Variants in DIP2B observed in about 807,000 individuals in gnomAD.
The protein encoded by DIP2B is DIP2 acetate--CoA ligase B (putative).
A neutral mutation model predicts 198.0 loss-of-function variants in DIP2B; 76 were observed. The ratio of observed to expected loss-of-function variants is 0.38; its 90% CI spans 0.32 to 0.46. The LOEUF (loss-of-function observed/expected upper bound fraction) is 0.46, where lower values mean the gene tolerates loss of function less well. Ranked by LOEUF, DIP2B falls within the 20% of genes least tolerant of loss-of-function variation. The pLI is 0.99. For missense variants in DIP2B, 1,559 were observed against 1,978.4 expected (o/e 0.79, Z 4.02); for synonymous variants, 701 against 739.1 (o/e 0.95, Z 0.84).
intron 1 of DIP2B, among the ~76,000 whole-genome samples, chr12:50,515,530 A>G (rs1048500010): frequency 6.6e-6 from 1 of 152,228 alleles, no homozygotes; most frequent in South Asian, 2.1e-4. Context: ...GCCCAGCCCT[A>G]CACTGTGGAC....
chr12:50,700,041 A>G (rs557032507), intron 19 of DIP2B, among the ~76,000 whole-genome samples: 1 of 152,362 alleles, frequency 6.6e-6, no homozygotes, highest in Admixed American at 6.5e-5. Context: ...GTCCTTTCAC[A>G]GGAGTCAGGT....
Position 50,632,195 on chromosome 12 carries a change from A to T in DIP2B, c.172+6148A>T, listed in dbSNP as rs185086053. ...ACTTTATTAAACTTTATTAAAGTTT[A>T]GTAGAGTTGGACTGGGTTCAGTGGC... On this transcript the variant is annotated intron_variant, in intron 2 of 37. Coordinates refer to ENST00000301180, the MANE Select transcript of DIP2B (RefSeq NM_173602.3). Among the ~76,000 whole-genome samples, 331 of 152,232 alleles carry T rather than the reference A, an allele frequency of 2.2e-3. 3 individuals carry two copies. The highest frequency in any genetic ancestry group is 2.8e-3 in the Non-Finnish European group (189 of 68,020).
intron 23 of DIP2B, among the ~76,000 whole-genome samples, chr12:50,716,157 C>T (rs1939710639): frequency 2.6e-5 from 4 of 152,098 alleles, no homozygotes; most frequent in Admixed American, 1.3e-4. Flanking sequence ...TACATAAATA[C>T]ACTCTGAGTC....
intron 34 of DIP2B, 101 bp downstream of exon 34, chr12:50,735,231 C>A: frequency 7.6e-7 from 1 of 1,322,340 alleles, no homozygotes; most frequent in Non-Finnish European, 1.1e-6. Flanking sequence ...CCAGGGCAAG[C>A]CTTAATTGAA....
At chr12:50,552,674 A>G (rs1958436945) in intron 1 of DIP2B, among the ~76,000 whole-genome samples, 1 of 152,018 alleles carries the variant, frequency 6.6e-6, no homozygotes, top group Non-Finnish European at 1.5e-5. Flanking sequence ...AGTCCCATTT[A>G]TCTTATTTTG....
intron 1 of DIP2B, among the ~76,000 whole-genome samples, chr12:50,564,865 T>C (rs1225750694): frequency 6.6e-6 from 1 of 152,240 alleles, no homozygotes; most frequent in East Asian, 1.9e-4. Flanking sequence ...GCATTTTTAA[T>C]TATGTATTTC....
At position 50,588,047 on chromosome 12, in the gene DIP2B, A is replaced by G. The variant is rs189868426; in HGVS notation, c.101-37929A>G. ...AATGGGTGAAAGCAAAGCTAGACTT[A>G]AATGCTGTTACTTCTTTCCCTGAAC... On this transcript the variant is annotated intron_variant, in intron 1 of 37. Transcript: ENST00000301180. Among the ~76,000 whole-genome samples, 127 of 152,342 alleles carry G rather than the reference A, an allele frequency of 8.3e-4. 1 individual carries two copies. Among genetic ancestry groups the G allele is most frequent in the Non-Finnish European group, 1.6e-3 (110 of 68,034 alleles).
chr12:50,683,387 A>T, intron 10 of DIP2B, 139 bp downstream of exon 10: 1 of 629,978 alleles, frequency 1.6e-6, no homozygotes, highest in Non-Finnish European at 2.7e-6. Context: ...AAAACAGGAA[A>T]TTTGTAGAAA....
chr12:50,543,319 T>C (rs894037918), intron 1 of DIP2B, among the ~76,000 whole-genome samples: 4 of 151,376 alleles, frequency 2.6e-5, no homozygotes, highest in African/African-American at 9.7e-5. Flanking sequence ...TGAGACAGAG[T>C]CTCGCTGTCA....
chr12:50,611,480 G>A (rs576593769), intron 1 of DIP2B, among the ~76,000 whole-genome samples: 23 of 152,126 alleles, frequency 1.5e-4, no homozygotes, highest in Admixed American at 1.2e-3. Flanking sequence ...GGCGTGGGTT[G>A]TTTTTATTTA....
intron 1 of DIP2B, among the ~76,000 whole-genome samples, chr12:50,613,025 C>T (rs963602035): frequency 6.6e-6 from 1 of 152,218 alleles, no homozygotes; most frequent in Non-Finnish European, 1.5e-5. Flanking sequence ...CATGTGCCTC[C>T]CGTTACTGTA....
Position 50,573,976 on chromosome 12 carries a change from C to G in DIP2B, c.101-52000C>G, listed in dbSNP as rs139672449. The stretch of plus-strand genomic sequence containing the variant: ...ACTATGTTTGATGATATTAAGGGTT[C>G]TTAGAAATCTTTTCCAAAATCTTGC... On this transcript the variant is annotated intron_variant, in intron 1 of 37. Transcript: ENST00000301180. 3.2e-3 allele frequency among the ~76,000 whole-genome samples: 486 copies of G among 152,204 alleles called. 4 individuals are homozygous for G. Among genetic ancestry groups the G allele is most frequent in the African/African-American group, 0.011 (465 of 41,532 alleles).
At chr12:50,618,465 C>G (rs892661438) in intron 1 of DIP2B, among the ~76,000 whole-genome samples, 1 of 152,222 alleles carries the variant, frequency 6.6e-6, no homozygotes, top group Non-Finnish European at 1.5e-5. Context: ...ACTGTGCATT[C>G]ACCCTCAGTG....
intron 1 of DIP2B, among the ~76,000 whole-genome samples, chr12:50,517,018 G>A (rs998425696): frequency 2.7e-5 from 4 of 148,694 alleles, no homozygotes; most frequent in African/African-American, 4.9e-5. Flanking sequence ...CCGGGTTCAC[G>A]CCATTCTCCT....
At chr12:50,555,935 T>C (rs1376330320) in intron 1 of DIP2B, among the ~76,000 whole-genome samples, 1 of 152,190 alleles carries the variant, frequency 6.6e-6, no homozygotes, top group East Asian at 1.9e-4. Flanking sequence ...CAAGAAACTA[T>C]TCTGAACAGC....
At chr12:50,645,940 G>A (rs940218664) in intron 3 of DIP2B, among the ~76,000 whole-genome samples, 20 of 152,006 alleles carry the variant, frequency 1.3e-4, no homozygotes, top group African/African-American at 4.8e-4. Context: ...TATTGAGGCA[G>A]GAGTATTTTT....
intron 1 of DIP2B, among the ~76,000 whole-genome samples, chr12:50,508,099 T>C (rs10876041): frequency 0.59 from 88,978 of 151,966 alleles, 26,411 homozygotes; most frequent in South Asian, 0.71. Context: ...GCAGAGCGTG[T>C]TGCAGAGCCC....
intron 1 of DIP2B, among the ~76,000 whole-genome samples, chr12:50,541,122 A>T (rs1039002596): frequency 2.6e-5 from 4 of 152,200 alleles, no homozygotes; most frequent in Admixed American, 6.5e-5. Context: ...TTGCATTAAT[A>T]AATGTAGAAA....
chr12:50,549,914 A>C (rs191527146), intron 1 of DIP2B, among the ~76,000 whole-genome samples: 2 of 152,190 alleles, frequency 1.3e-5, no homozygotes, highest in Admixed American at 1.3e-4. Flanking sequence ...TAACTAAGGA[A>C]AAGTCCTATT....
Sources: gnomAD v4.1 joint callset for allele counts (sites outside exome capture counted in the v4.1 genomes callset) on GRCh38, gnomAD v4.1.1 for gene constraint, MANE v1.5 for transcripts, NCBI Gene and HGNC (gene_info 2026-07-23, HGNC 2026-07-21) for gene names.